Variants in XKR9 observed in about 807,000 individuals in gnomAD.
The protein encoded by XKR9 is XK related 9, also known as XK-related protein 9.
XKR9 carries 32 observed loss-of-function variants against 32.0 expected under a neutral mutation model. The ratio of observed to expected loss-of-function variants is 1.00; its 90% CI spans 0.76 to 1.34. XKR9 has a LOEUF of 1.34. XKR9 is among the 40% of genes most tolerant of loss of function. The probability of loss-of-function intolerance (pLI) is 0.00; values close to 1 mark genes in which losing one functional copy is unlikely to be tolerated. For synonymous variants in XKR9, 168 were observed against 143.4 expected (o/e 1.17, Z -1.22); for missense variants, 546 against 429.7 (o/e 1.27, Z -2.39).
At chr8:70,752,549 A>G (rs1424598401) in intron 2 of XKR9, among the ~76,000 whole-genome samples, 1 of 152,144 alleles carries the variant, frequency 6.6e-6, no homozygotes, top group East Asian at 1.9e-4. Context: ...TTTACCCCTA[A>G]AAGGCATTAA....
chr8:70,729,280 C>G (rs1002003402), intron 4 of XKR9, among the ~76,000 whole-genome samples: 2 of 152,084 alleles, frequency 1.3e-5, no homozygotes, highest in African/African-American at 4.8e-5. Context: ...AAATTTTGTT[C>G]ATAGGAATGT....
the XKR9 span, among the ~76,000 whole-genome samples, chr8:70,956,522 A>C: frequency 6.6e-6 from 1 of 152,270 alleles, no homozygotes; most frequent in East Asian, 1.9e-4. Flanking sequence ...CCTGGTCTGA[A>C]GGAGAGATTT....
chr8:71,062,793 A>AT, the XKR9 span, among the ~76,000 whole-genome samples: 4 of 151,424 alleles, frequency 2.6e-5, no homozygotes, highest in Middle Eastern at 3.4e-3. Flanking sequence ...ATTAGGAATG[A>AT]TTTTTTTCTA....
chr8:70,726,971 ACTT>A (rs1387739899), intron 4 of XKR9, among the ~76,000 whole-genome samples: 2 of 150,624 alleles, frequency 1.3e-5, no homozygotes, highest in Non-Finnish European at 3.0e-5. Context: ...GATTTTTCTG[ACTT>A]CTTTTTGTTT....
chr8:70,870,279 A>C, the XKR9 span, among the ~76,000 whole-genome samples: 1 of 152,290 alleles, frequency 6.6e-6, no homozygotes, highest in Non-Finnish European at 1.5e-5. Flanking sequence ...TGTGATGGGT[A>C]CTCTAGAGAA....
chr8:71,025,225 C>T, the XKR9 span, among the ~76,000 whole-genome samples: 14 of 152,198 alleles, frequency 9.2e-5, no homozygotes, highest in East Asian at 1.9e-4. Flanking sequence ...TTCCTGGAGA[C>T]GAAATGAGTT....
At chr8:70,720,044 T>A (rs2132212502) in intron 4 of XKR9, among the ~76,000 whole-genome samples, 1 of 152,304 alleles carries the variant, frequency 6.6e-6, no homozygotes, top group African/African-American at 2.4e-5. Context: ...CCTAGGCATT[T>A]TATTCTCTTT....
At chr8:70,917,257 T>A in the XKR9 span, among the ~76,000 whole-genome samples, 2 of 152,210 alleles carry the variant, frequency 1.3e-5, no homozygotes, top group African/African-American at 4.8e-5. Flanking sequence ...CTTTCCCTGG[T>A]CATCCTACCA....
the XKR9 span, among the ~76,000 whole-genome samples, chr8:70,959,389 T>G: frequency 6.6e-6 from 1 of 152,216 alleles, no homozygotes; most frequent in Non-Finnish European, 1.5e-5. Context: ...TAGATCTAAT[T>G]AATTCTCTTT....
chr8:70,843,148 A>G, the XKR9 span, among the ~76,000 whole-genome samples: 41 of 152,362 alleles, frequency 2.7e-4, no homozygotes, highest in African/African-American at 9.9e-4. Flanking sequence ...CAGGCTTAAT[A>G]TACTATAAAA....
chr8:70,699,840 C>G (rs1010468849), intron 3 of XKR9, among the ~76,000 whole-genome samples: 4 of 152,152 alleles, frequency 2.6e-5, no homozygotes, highest in Non-Finnish European at 5.9e-5. Flanking sequence ...TAGATTTGGT[C>G]TTTTCACATA....
At chr8:70,779,575 G>A (rs750266894) in intron 2 of XKR9, among the ~76,000 whole-genome samples, 5 of 152,002 alleles carry the variant, frequency 3.3e-5, no homozygotes, top group African/African-American at 7.2e-5. Flanking sequence ...CTGTGAATCC[G>A]TCTGGACCTG....
At chr8:70,823,202 C>A in the XKR9 span, among the ~76,000 whole-genome samples, 1 of 152,200 alleles carries the variant, frequency 6.6e-6, no homozygotes, top group Admixed American at 6.5e-5. Context: ...TGTGGTCCCA[C>A]AAATATACTG....
the XKR9 span, among the ~76,000 whole-genome samples, chr8:71,021,506 T>TTTC: frequency 2.1e-5 from 3 of 142,988 alleles, no homozygotes; most frequent in Non-Finnish European, 3.1e-5. Context: ...TTCTTTTTTT[T>TTTC]TTTTTTTTTT....
the XKR9 span, among the ~76,000 whole-genome samples, chr8:70,883,145 C>T: frequency 6.6e-6 from 1 of 151,502 alleles, no homozygotes; most frequent in African/African-American, 2.4e-5. Flanking sequence ...CCTCCCCCAA[C>T]AATTCCCCAA....
chr8:71,015,691 T>C, the XKR9 span, among the ~76,000 whole-genome samples: 1 of 152,020 alleles, frequency 6.6e-6, no homozygotes, highest in Non-Finnish European at 1.5e-5. Flanking sequence ...ACCAGAGAAA[T>C]GTTAATGCAC....
the XKR9 span, among the ~76,000 whole-genome samples, chr8:70,875,661 T>C: frequency 2.0e-5 from 3 of 152,186 alleles, no homozygotes; most frequent in Non-Finnish European, 4.4e-5. Flanking sequence ...GAAAGTTTTA[T>C]ATATCTTTCA....
the XKR9 span, among the ~76,000 whole-genome samples, chr8:71,030,914 G>A: frequency 2.0e-5 from 3 of 152,174 alleles, no homozygotes; most frequent in South Asian, 6.2e-4. Context: ...TATAATACTA[G>A]CAATGGTCTA....
At chr8:70,797,642 T>C in the XKR9 span, among the ~76,000 whole-genome samples, 1 of 152,202 alleles carries the variant, frequency 6.6e-6, no homozygotes, top group South Asian at 2.1e-4. Context: ...CATGGACATT[T>C]GGTGTGCAGA....
Sources: allele counts gnomAD v4.1 joint callset (sites outside exome capture counted in the v4.1 genomes callset), GRCh38; gene constraint gnomAD v4.1.1; transcripts MANE v1.5; gene names NCBI Gene and HGNC (gene_info 2026-07-23, HGNC 2026-07-21).